The following GC variants were observed in gnomAD, a reference collection of about 807,000 sequenced individuals.
GC encodes vitamin D-binding protein.
A neutral mutation model predicts 56.7 loss-of-function variants in GC; 43 were observed. That is an observed-to-expected ratio of 0.76 (90% CI 0.59 to 0.98). GC has a LOEUF of 0.98. Among genes scored for constraint, GC ranks in the 50% least tolerant of loss-of-function variants. The probability of loss-of-function intolerance (pLI) is 0.00; values close to 1 mark genes in which losing one functional copy is unlikely to be tolerated. For synonymous variants in GC, 216 were observed against 202.7 expected (o/e 1.07, Z -0.56); for missense variants, 529 against 545.9 (o/e 0.97, Z 0.31).
At chr4:71,744,575 A>C (rs1386986806) in intron 12 of GC, among the ~76,000 whole-genome samples, 1 of 152,056 alleles carries the variant, frequency 6.6e-6, no homozygotes, top group Non-Finnish European at 1.5e-5. Context: ...TCCTATTTTA[A>C]TTAGTTTTCC....
At chr4:71,743,911 T>C (rs1229782663) in intron 12 of GC, among the ~76,000 whole-genome samples, 1 of 152,160 alleles carries the variant, frequency 6.6e-6, no homozygotes, top group Non-Finnish European at 1.5e-5. Flanking sequence ...ATGTGAGTAA[T>C]CCATCCAGAT....
rs113444205 is a variant in GC, at chr4:71,758,238, G to A, written c.702-67C>T. 217 of 1,377,422 alleles carry A rather than the reference G, an allele frequency of 1.6e-4. No homozygotes were observed. The African/African-American group carries it at 1.8e-3, about 12-fold the overall frequency. 85.3% of individuals were successfully genotyped at this position (1,377,422 alleles called of 1,614,324 possible). Reference sequence around the variant, plus strand: ...CAGTTTTCTTGGTTTCGTGATGAACGCACTATTTGGAGAAATAATATCACA... The same window carrying A: ...CAGTTTTCTTGGTTTCGTGATGAACACACTATTTGGAGAAATAATATCACA... On this transcript the variant is annotated intron_variant, in intron 6 of 12. Transcript: ENST00000273951.
chr4:71,758,290 G>A (rs1741852558), intron 6 of GC, 119 bp from the exon 7 acceptor site: 1 of 797,772 alleles, frequency 1.3e-6, no homozygotes, highest in African/African-American at 1.7e-5. Flanking sequence ...CTCAAGAGAT[G>A]CATGGGAGCA....
At chr4:71,803,843 A>T in intron 1 of GC, 1 of 780,674 alleles carries the variant, frequency 1.3e-6, no homozygotes, top group Non-Finnish European at 2.2e-6. Context: ...TAGTCAGAAC[A>T]TTGTAAATTC....
intron 1 of GC, among the ~76,000 whole-genome samples, chr4:71,778,887 G>A (rs28462324): frequency 0.072 from 2,282 of 31,846 alleles, 93 homozygotes; most frequent in East Asian, 0.42. Flanking sequence ...GAATATTGCT[G>A]TCAGTTATTA....
intron 11 of GC, among the ~76,000 whole-genome samples, chr4:71,752,177 ATTC>A (rs755199323): frequency 1.3e-5 from 2 of 152,116 alleles, no homozygotes; most frequent in Non-Finnish European, 2.9e-5. Context: ...CTGTATTCTT[ATTC>A]TTCTCTTTTT....
At chr4:71,786,808 T>C (rs1578318842), upstream of GC, among the ~76,000 whole-genome samples, 1 of 151,902 alleles carries the variant, frequency 6.6e-6, no homozygotes, top group Admixed American at 6.6e-5. Context: ...CTAAAAACTC[T>C]TGCAGTACTC....
chr4:71,781,579 A>T (rs1036756865), intron 1 of GC, among the ~76,000 whole-genome samples: 2 of 151,738 alleles, frequency 1.3e-5, no homozygotes, highest in Non-Finnish European at 2.9e-5. Context: ...TTAAAAAAAA[A>T]TTTTATAGCT....
intron 1 of GC, among the ~76,000 whole-genome samples, chr4:71,780,264 CT>C (rs1190598500): frequency 6.6e-6 from 1 of 151,958 alleles, no homozygotes; most frequent in Non-Finnish European, 1.5e-5. Context: ...AATGTTAGAC[CT>C]AAAACCATAA....
At chr4:71,754,356 A>C in intron 10 of GC, 55 bp downstream of exon 10, 1 of 813,446 alleles carries the variant, frequency 1.2e-6, no homozygotes, top group Non-Finnish European at 2.1e-6. Flanking sequence ...AATTCATAGT[A>C]CTATGAAAAT....
At chr4:71,752,361 T>C (rs1691868923) in intron 11 of GC, among the ~76,000 whole-genome samples, 157 bp downstream of exon 11, 1 of 152,212 alleles carries the variant, frequency 6.6e-6, no homozygotes. Context: ...ATCAGTTATG[T>C]TTCTTACTTT....
intron 8 of GC, among the ~76,000 whole-genome samples, chr4:71,755,448 C>A (rs1297800996): frequency 6.6e-6 from 1 of 152,074 alleles, no homozygotes; most frequent in Non-Finnish European, 1.5e-5. Flanking sequence ...GATGGATGAG[C>A]CACTGTGCCT....
At chr4:71,758,934 T>G (rs1741874343) in intron 6 of GC, among the ~76,000 whole-genome samples, 1 of 152,132 alleles carries the variant, frequency 6.6e-6, no homozygotes, top group Admixed American at 6.6e-5. Context: ...TGCTCCCACT[T>G]CCCCTCACTC....
intron 12 of GC, 78 bp from the exon 13 acceptor site, chr4:71,741,948 G>A (rs1241158459): frequency 1.7e-5 from 12 of 699,900 alleles, no homozygotes; most frequent in South Asian, 3.0e-5. Context: ...CTCAACAGAC[G>A]CATATAAACT....
In GC at chr4:71,741,700, T is replaced by C. The variant is rs937036381; in HGVS notation, c.*196A>G. ...ACATAATTCTCAGTCATATTTATGG[T>C]TTGCATTATATTTCAATTTATTTTG... On this transcript the variant is annotated 3_prime_UTR_variant, in exon 13 of 13. Transcript: ENST00000273951. The C allele has an allele frequency of 3.1e-6, 2 of 651,910 alleles. No homozygotes were observed. Among genetic ancestry groups the C allele is most frequent in the African/African-American group, 3.6e-5 (2 of 55,380 alleles). The allele number at this position is 651,910 out of a possible 1,614,324, so 40.4% of individuals were successfully genotyped here.
At chr4:71,781,247 CA>C (rs1210561811) in intron 1 of GC, among the ~76,000 whole-genome samples, 1 of 151,264 alleles carries the variant, frequency 6.6e-6, no homozygotes, top group African/African-American at 2.4e-5. Flanking sequence ...GGGTGGGGAG[CA>C]GGGGGAGGGA....
Position 71,746,188 on chromosome 4 carries a change from C to T in GC, c.1413G>A (p.Lys471=), listed in dbSNP as rs779820003. The change falls in exon 12 of 13, where the codon AAG becomes AAA. Residue 471 remains lysine (K), a synonymous_variant. Coordinates refer to ENST00000273951, the MANE Select transcript of GC (RefSeq NM_000583.4). ...ACATGCTTCAGGACTACAGGATATT[C>T]TTCAATTCAGCATCAATCTGATAAT... ...YCDSEIDAEL[K]NIL is the part of the protein sequence containing the mutation. 1 of 1,346,348 alleles carries T rather than the reference C, an allele frequency of 7.4e-7. No individual in the cohort carries two copies. Among genetic ancestry groups the T allele is most frequent in the Non-Finnish European group, 1.1e-6 (1 of 941,882 alleles). The allele number at this position is 1,346,348 out of a possible 1,614,324, so 83.4% of individuals were successfully genotyped here. A position where few individuals can be genotyped will look rare whatever the true frequency, so the allele number is the denominator to read the frequency against.
chr4:71,786,431 T>C (rs1325087042), upstream of GC, among the ~76,000 whole-genome samples: 1 of 151,808 alleles, frequency 6.6e-6, no homozygotes, highest in Non-Finnish European at 1.5e-5. Context: ...CTTCTCACAT[T>C]GTCTATAATA....
chr4:71,763,770 A>T, intron 5 of GC, 34 bp downstream of exon 5: 1 of 1,558,732 alleles, frequency 6.4e-7, no homozygotes, highest in South Asian at 1.2e-5. Flanking sequence ...AGAAGAAAAA[A>T]ACGTAAACAT....
Sources: allele counts gnomAD v4.1 joint callset (sites outside exome capture counted in the v4.1 genomes callset), GRCh38; gene constraint gnomAD v4.1.1; transcripts MANE v1.5; gene names NCBI Gene and HGNC (gene_info 2026-07-23, HGNC 2026-07-21).